Variants in ADGRL4 observed in about 807,000 individuals in gnomAD.
ADGRL4 encodes adhesion G protein-coupled receptor L4.
In ADGRL4, 90 loss-of-function variants were observed where a neutral mutation model predicts 74.8. That is an observed-to-expected ratio of 1.20 (90% CI 1.02 to 1.43). The LOEUF is 1.43. Among genes scored for constraint, ADGRL4 ranks in the 40% most tolerant of loss-of-function variants. The probability of loss-of-function intolerance (pLI) is 0.00; values close to 1 mark genes in which losing one functional copy is unlikely to be tolerated. For synonymous variants in ADGRL4, 311 were observed against 279.2 expected (o/e 1.11, Z -1.14); for missense variants, 881 against 814.3 (o/e 1.08, Z -1.00).
chr1:78,927,192 T>C (rs1346777572), intron 7 of ADGRL4, 101 bp from the exon 8 acceptor site: 2 of 752,436 alleles, frequency 2.7e-6, no homozygotes, highest in South Asian at 1.9e-5. Context: ...CATTTTACTT[T>C]AGAAATTTAT....
intron 3 of ADGRL4, among the ~76,000 whole-genome samples, chr1:78,942,891 C>CT (rs1458898141): frequency 6.6e-6 from 1 of 152,116 alleles, no homozygotes; most frequent in African/African-American, 2.4e-5. Context: ...AACTGCACCA[C>CT]TGCACTCCAG....
chr1:78,999,788 A>ATATCTATCTATCTATC (rs67005634), intron 2 of ADGRL4, among the ~76,000 whole-genome samples: 75 of 141,780 alleles, frequency 5.3e-4, no homozygotes, highest in South Asian at 6.9e-4. Flanking sequence ...ATCTATAGTT[A>ATATCTATCTATCTATC]TATCTATCTA....
chr1:78,914,836 G>T (rs1648837201), intron 12 of ADGRL4, among the ~76,000 whole-genome samples: 1 of 151,762 alleles, frequency 6.6e-6, no homozygotes, highest in Non-Finnish European at 1.5e-5. Flanking sequence ...CGCTTGGAGG[G>T]TAGAAGGATC....
At chr1:78,899,595 T>C (rs772882164) in intron 12 of ADGRL4, among the ~76,000 whole-genome samples, 2 of 152,150 alleles carry the variant, frequency 1.3e-5, no homozygotes, top group Non-Finnish European at 2.9e-5. Context: ...GCTCAAGCGA[T>C]CTGTCCACCT....
rs755896595 is a variant in ADGRL4, at chr1:78,917,897, G to T, written c.1615C>A (p.Leu539Ile). Reference sequence around the variant, plus strand: ...AATCCAACTACCACGGCTGGGCTTAGATAGCCAAAGATATAAAAATTCTTG... The same window carrying T: ...AATCCAACTACCACGGCTGGGCTTATATAGCCAAAGATATAAAAATTCTTG... ...LHKNFYIFGY[L>I]SPAVVVGFSA... is the part of the protein sequence containing the mutation. Residue 539 changes from leucine (L) to isoleucine (I), a missense_variant, in exon 11 of 15, where the codon CTA becomes ATA. Coordinates refer to ENST00000370742, the MANE Select transcript of ADGRL4 (RefSeq NM_022159.4). The T allele has an allele frequency of 5.0e-6, 8 of 1,612,502 alleles. No homozygotes were observed. Among genetic ancestry groups the T allele is most frequent in the Non-Finnish European group, 6.8e-6 (8 of 1,179,136 alleles).
rs1649133682 is a variant in ADGRL4 at position 78,927,101 on chromosome 1, A to T, written c.878-10T>A. ...GCAACTGCAACATTGCCTATCAATC[A>T]AATAAGTATATTTAGTGAAATTCTT... On this transcript the variant is annotated splice_polypyrimidine_tract_variant and intron_variant, in intron 7 of 14. Transcript: ENST00000370742. The T allele has an allele frequency of 1.3e-6, 2 of 1,510,224 alleles. No individual in the cohort carries two copies. The highest frequency in any genetic ancestry group is 1.4e-5 in the African/African-American group (1 of 72,756). 93.6% of individuals were successfully genotyped at this position (1,510,224 alleles called of 1,614,324 possible).
chr1:78,896,344 G>T (rs1000944962), intron 12 of ADGRL4, among the ~76,000 whole-genome samples: 7 of 151,958 alleles, frequency 4.6e-5, no homozygotes, highest in Non-Finnish European at 7.4e-5. Flanking sequence ...AATCTTACAT[G>T]TCTGTTTTGT....
intron 8 of ADGRL4, among the ~76,000 whole-genome samples, chr1:78,924,315 T>C (rs534758824): frequency 6.6e-6 from 1 of 152,048 alleles, no homozygotes; most frequent in Non-Finnish European, 1.5e-5. Context: ...AATCTGATAA[T>C]GCAAGAGCTT....
At chr1:78,893,827 T>C (rs1456376491) in intron 12 of ADGRL4, among the ~76,000 whole-genome samples, 1 of 151,922 alleles carries the variant, frequency 6.6e-6, no homozygotes, top group Non-Finnish European at 1.5e-5. Flanking sequence ...TATTTTGTAA[T>C]ATGGGCTAAA....
chr1:78,975,991 T>C (rs1468878736), intron 2 of ADGRL4, among the ~76,000 whole-genome samples: 4 of 151,972 alleles, frequency 2.6e-5, no homozygotes, highest in Non-Finnish European at 5.9e-5. Context: ...CCCTGAAAGA[T>C]AAGTTTAAAA....
chr1:78,948,888 AT>A (rs1434024744), intron 2 of ADGRL4, among the ~76,000 whole-genome samples: 1 of 152,120 alleles, frequency 6.6e-6, no homozygotes, highest in African/African-American at 2.4e-5. Flanking sequence ...ATAAGTAAAA[AT>A]TAATCAAAAA....
intron 7 of ADGRL4, among the ~76,000 whole-genome samples, chr1:78,932,042 T>C (rs1322373189): frequency 1.3e-5 from 2 of 151,452 alleles, no homozygotes; most frequent in Non-Finnish European, 2.9e-5. Flanking sequence ...TAAACAAGGA[T>C]AATCAGGACT....
At chr1:79,004,299 G>T (rs936872473) in intron 2 of ADGRL4, among the ~76,000 whole-genome samples, 1 of 151,886 alleles carries the variant, frequency 6.6e-6, no homozygotes, top group Non-Finnish European at 1.5e-5. Flanking sequence ...TACACAGGAC[G>T]TTGGTCTATG....
intron 2 of ADGRL4, among the ~76,000 whole-genome samples, chr1:78,978,081 TG>T (rs1315416653): frequency 1.3e-5 from 2 of 151,942 alleles, no homozygotes; most frequent in East Asian, 3.9e-4. Flanking sequence ...CTTGGTCATG[TG>T]GAAAAGATTT....
At position 78,986,709 on chromosome 1, in the gene ADGRL4, C is replaced by T. The variant is rs181775981; in HGVS notation, c.172+18361G>A. Among the ~76,000 whole-genome samples, 271 of 151,888 alleles carry T rather than the reference C, an allele frequency of 1.8e-3. 1 individual carries two copies. Among genetic ancestry groups the T allele is most frequent in the Middle Eastern group, 3.4e-3 (1 of 294 alleles). Reference sequence around the variant, plus strand: ...TAAAATTTTTCAACTTATAAAATAACATTCAAATTGGAATGCAAACTGTGC... The same window carrying T: ...TAAAATTTTTCAACTTATAAAATAATATTCAAATTGGAATGCAAACTGTGC... On this transcript the variant is annotated intron_variant, in intron 2 of 14. Transcript: ENST00000370742.
Position 78,922,326 on chromosome 1 carries a change from A to T in ADGRL4, c.1084-540T>A, listed in dbSNP as rs541291073. Among the ~76,000 whole-genome samples the T allele has an allele frequency of 2.6e-5, 4 of 152,130 alleles. No individual in the cohort carries two copies. The South Asian group carries it at 8.3e-4, about 31-fold the overall frequency. On this transcript the variant is annotated intron_variant, in intron 8 of 14. Coordinates refer to ENST00000370742, the MANE Select transcript of ADGRL4 (RefSeq NM_022159.4). Reference sequence around the variant, plus strand: ...GGGGGTGTCCAACAGACTTGGGAACAGAGGGTTCCAAACAGTTGGAAATGC... The same window carrying T: ...GGGGGTGTCCAACAGACTTGGGAACTGAGGGTTCCAAACAGTTGGAAATGC...
chr1:78,958,856 C>T (rs1280259490), intron 2 of ADGRL4, among the ~76,000 whole-genome samples: 2 of 152,038 alleles, frequency 1.3e-5, no homozygotes, highest in Non-Finnish European at 2.9e-5. Flanking sequence ...AAGAGACAAT[C>T]CAAGTGGAAA....
intron 2 of ADGRL4, among the ~76,000 whole-genome samples, chr1:78,957,184 C>T (rs766365574): frequency 1.4e-4 from 22 of 152,144 alleles, no homozygotes; most frequent in Non-Finnish European, 2.8e-4. Flanking sequence ...TTGCTCAGCC[C>T]TCCCTATTTC....
At chr1:78,904,736 T>C (rs1485443118) in intron 12 of ADGRL4, among the ~76,000 whole-genome samples, 1 of 152,020 alleles carries the variant, frequency 6.6e-6, no homozygotes, top group Non-Finnish European at 1.5e-5. Flanking sequence ...ACAAGAAGAT[T>C]AATATATTTA....
Sources: gnomAD v4.1 joint callset for allele counts (sites outside exome capture counted in the v4.1 genomes callset) on GRCh38, gnomAD v4.1.1 for gene constraint, MANE v1.5 for transcripts, NCBI Gene and HGNC (gene_info 2026-07-23, HGNC 2026-07-21) for gene names.